The following COL21A1 variants were observed in gnomAD, a reference collection of about 807,000 sequenced individuals.
COL21A1 encodes collagen alpha-1(XXI) chain.
In COL21A1, 149 loss-of-function variants were observed where a neutral mutation model predicts 137.9. The ratio of observed to expected loss-of-function variants is 1.08; its 90% CI spans 0.95 to 1.24. The LOEUF is 1.24. Ranked by LOEUF, COL21A1 falls within the 50% of genes most tolerant of loss-of-function variation. The pLI is 0.00. For missense variants in COL21A1, 1,167 were observed against 1,158.4 expected, an observed-to-expected ratio of 1.01 and a Z score of -0.11; for synonymous variants, 456 against 391.5, an observed-to-expected ratio of 1.16 and a Z score of -1.95.
intron 1 of COL21A1, among the ~76,000 whole-genome samples, chr6:56,361,961 G>C (rs188422073): frequency 2.8e-4 from 43 of 152,278 alleles, no homozygotes; most frequent in East Asian, 1.2e-3. Flanking sequence ...CTCTCTGGCT[G>C]TTTGGCCTTC....
intron 1 of COL21A1, among the ~76,000 whole-genome samples, chr6:56,263,645 A>G (rs1307553269): frequency 6.6e-6 from 1 of 152,232 alleles, no homozygotes; most frequent in Non-Finnish European, 1.5e-5. Context: ...AATATTCCCA[A>G]ATCATAGCTC....
At chr6:56,131,069 G>A (rs980429122) in intron 12 of COL21A1, among the ~76,000 whole-genome samples, 3 of 152,050 alleles carry the variant, frequency 2.0e-5, no homozygotes, top group Non-Finnish European at 4.4e-5. Flanking sequence ...TGGAATATTA[G>A]AAATAGGAGG....
intron 1 of COL21A1, among the ~76,000 whole-genome samples, chr6:56,260,705 CAGGCAGGCAGGAAGGG>C (rs1562029034): frequency 2.3e-5 from 3 of 128,880 alleles, no homozygotes; most frequent in Non-Finnish European, 3.2e-5. Context: ...GGCAGGCAGG[CAGGCAGGCAGGAAGGG>C]AGGCAGGCAG....
At chr6:56,112,695 T>G (rs1771554763) in intron 16 of COL21A1, among the ~76,000 whole-genome samples, 1 of 149,404 alleles carries the variant, frequency 6.7e-6, no homozygotes, top group Admixed American at 6.7e-5. Flanking sequence ...TTCTTTTTTT[T>G]TTTTTTGAGA....
chr6:56,061,120 A>C, intron 25 of COL21A1, 83 bp from the exon 26 acceptor site: 2 of 1,140,422 alleles, frequency 1.8e-6, no homozygotes, highest in Non-Finnish European at 2.5e-6. Flanking sequence ...TAAGGATGTG[A>C]ATATGCATGT....
chr6:56,338,078 T>C (rs530381066), intron 1 of COL21A1, among the ~76,000 whole-genome samples: 160 of 149,886 alleles, frequency 1.1e-3, no homozygotes, highest in African/African-American at 3.6e-3. Context: ...TTCTCCTGCC[T>C]CATCCTCCCA....
intron 5 of COL21A1, among the ~76,000 whole-genome samples, chr6:56,168,519 A>G (rs1450754569): frequency 6.6e-6 from 1 of 152,100 alleles, no homozygotes; most frequent in African/African-American, 2.4e-5. Flanking sequence ...TTTCAAAGAA[A>G]CTGTCAAACA....
chr6:56,111,472 T>C (rs1402287678), intron 16 of COL21A1, among the ~76,000 whole-genome samples: 1 of 152,096 alleles, frequency 6.6e-6, no homozygotes, highest in Non-Finnish European at 1.5e-5. Context: ...AAATATACCA[T>C]AGTAATATAA....
chr6:56,342,660 C>T (rs1765496594), intron 1 of COL21A1, among the ~76,000 whole-genome samples: 1 of 152,192 alleles, frequency 6.6e-6, no homozygotes, highest in African/African-American at 2.4e-5. Context: ...CACAAAATGG[C>T]TTGGCTAGTA....
At chr6:56,286,353 A>G (rs182555293) in intron 1 of COL21A1, among the ~76,000 whole-genome samples, 1 of 152,354 alleles carries the variant, frequency 6.6e-6, no homozygotes, top group African/African-American at 2.4e-5. Context: ...AGGCATACAT[A>G]CACGCACACA....
chr6:56,078,163 A>C (rs549526607), intron 17 of COL21A1: 2 of 455,900 alleles, frequency 4.4e-6, no homozygotes, highest in Admixed American at 4.7e-5. Context: ...TCACTCTTTC[A>C]CGTGGCTGAA....
intron 1 of COL21A1, among the ~76,000 whole-genome samples, chr6:56,184,229 A>T (rs905844576): frequency 2.0e-5 from 3 of 152,182 alleles, no homozygotes; most frequent in African/African-American, 7.2e-5. Flanking sequence ...GCCTACATAC[A>T]TCATATTCAA....
intron 1 of COL21A1, among the ~76,000 whole-genome samples, chr6:56,278,451 G>C (rs1351029939): frequency 6.6e-6 from 1 of 152,104 alleles, no homozygotes; most frequent in African/African-American, 2.4e-5. Context: ...CTCTCATTCT[G>C]TGTGGCCTGT....
At chr6:56,103,364 T>C (rs1479493399) in intron 16 of COL21A1, among the ~76,000 whole-genome samples, 2 of 152,186 alleles carry the variant, frequency 1.3e-5, no homozygotes, top group African/African-American at 4.8e-5. Context: ...TATAAAACAA[T>C]CTGTGGTTAA....
At chr6:56,318,831 A>C (rs956266040) in intron 1 of COL21A1, among the ~76,000 whole-genome samples, 1 of 151,978 alleles carries the variant, frequency 6.6e-6, no homozygotes, top group Non-Finnish European at 1.5e-5. Context: ...ACTAGCTGCT[A>C]ATCTATTTCT....
At chr6:56,216,924 T>C (rs1298704663) in intron 1 of COL21A1, among the ~76,000 whole-genome samples, 2 of 152,002 alleles carry the variant, frequency 1.3e-5, no homozygotes, top group Non-Finnish European at 1.5e-5. Flanking sequence ...AATATATATT[T>C]AGAAGGTAAG....
chr6:56,059,320 T>A, intron 28 of COL21A1, 78 bp from the exon 29 acceptor site: 2 of 894,430 alleles, frequency 2.2e-6, no homozygotes, highest in Non-Finnish European at 3.3e-6. Flanking sequence ...GCTGTTAATA[T>A]ACACATGAAA....
chr6:56,347,427 C>T (rs1765619746), intron 1 of COL21A1, among the ~76,000 whole-genome samples: 1 of 151,258 alleles, frequency 6.6e-6, no homozygotes, highest in East Asian at 2.0e-4. Context: ...ATGGGTCTTA[C>T]CAAAAGTCAT....
chr6:56,357,665 G>C (rs189556931), intron 1 of COL21A1, among the ~76,000 whole-genome samples: 9 of 152,322 alleles, frequency 5.9e-5, no homozygotes, highest in Non-Finnish European at 1.2e-4. Context: ...CTCTGCCACG[G>C]AGAAATTTTA....
Sources: gnomAD v4.1 joint callset for allele counts (sites outside exome capture counted in the v4.1 genomes callset) on GRCh38, gnomAD v4.1.1 for gene constraint, MANE v1.5 for transcripts, NCBI Gene and HGNC (gene_info 2026-07-23, HGNC 2026-07-21) for gene names.